RBFOX1: variants seen among roughly 807,000 people sequenced by gnomAD.
The protein encoded by RBFOX1 is RNA binding fox-1 homolog 1, also known as RNA binding protein fox-1 homolog 1.
RBFOX1 carries 8 observed loss-of-function variants against 57.7 expected under a neutral mutation model. The observed-to-expected ratio is 0.14, with a 90% CI of 0.08 to 0.25. The LOEUF is 0.25. RBFOX1 is among the 10% of genes least tolerant of loss of function. The probability of loss-of-function intolerance (pLI) is 1.00; values close to 1 mark genes in which losing one functional copy is unlikely to be tolerated. For missense variants in RBFOX1, 611 were observed against 548.5 expected, an observed-to-expected ratio of 1.11 and a Z score of -1.14; for synonymous variants, 326 against 222.4, an observed-to-expected ratio of 1.47 and a Z score of -4.15.
At chr16:7,135,556 T>C (rs1284829508) in intron 4 of RBFOX1, among the ~76,000 whole-genome samples, 2 of 152,258 alleles carry the variant, frequency 1.3e-5, no homozygotes, top group Non-Finnish European at 2.9e-5. Flanking sequence ...TAACAACTTG[T>C]GAAAAATTAA....
intron 3 of RBFOX1, among the ~76,000 whole-genome samples, chr16:5,781,455 C>A (rs1461621899): frequency 6.6e-6 from 1 of 152,124 alleles, no homozygotes; most frequent in African/African-American, 2.4e-5. Flanking sequence ...AGTAGTAGGC[C>A]CAGCTCAGTC....
intron 4 of RBFOX1, among the ~76,000 whole-genome samples, chr16:5,936,524 T>C (rs2059172049): frequency 6.6e-6 from 1 of 152,188 alleles, no homozygotes; most frequent in Non-Finnish European, 1.5e-5. Flanking sequence ...ACCAAGTTCC[T>C]CTGCCCATGT....
chr16:5,967,088 G>T (rs767040585), intron 4 of RBFOX1, among the ~76,000 whole-genome samples: 1 of 146,122 alleles, frequency 6.8e-6, no homozygotes, highest in African/African-American at 2.5e-5. Flanking sequence ...TTTATATATA[G>T]TTGACGGCTG....
chr16:6,958,929 T>C (rs1292013627), intron 3 of RBFOX1, among the ~76,000 whole-genome samples: 1 of 152,196 alleles, frequency 6.6e-6, no homozygotes, highest in East Asian at 1.9e-4. Context: ...TTCTCCATCC[T>C]GACATAGGCA....
At chr16:6,786,154 C>G (rs746179345) in intron 3 of RBFOX1, among the ~76,000 whole-genome samples, 1 of 152,054 alleles carries the variant, frequency 6.6e-6, no homozygotes, top group Non-Finnish European at 1.5e-5. Flanking sequence ...GAATGGAGTT[C>G]GGGGGCCAGG....
chr16:7,408,783 C>G (rs2098388567), intron 4 of RBFOX1, among the ~76,000 whole-genome samples: 1 of 152,174 alleles, frequency 6.6e-6, no homozygotes, highest in African/African-American at 2.4e-5. Context: ...CATCCCCTCC[C>G]TCCTTGTTGT....
intron 4 of RBFOX1, among the ~76,000 whole-genome samples, chr16:7,388,893 C>G (rs754563904): frequency 6.6e-6 from 1 of 152,048 alleles, no homozygotes; most frequent in African/African-American, 2.4e-5. Context: ...AGAATATTTT[C>G]AACTCACGAT....
At chr16:6,904,316 T>C (rs2153417614) in intron 3 of RBFOX1, among the ~76,000 whole-genome samples, 1 of 152,084 alleles carries the variant, frequency 6.6e-6, no homozygotes, top group Admixed American at 6.5e-5. Context: ...CCATCCATCT[T>C]TAGGCCAGGT....
intron 3 of RBFOX1, among the ~76,000 whole-genome samples, chr16:6,756,795 A>G (rs2075855704): frequency 6.6e-6 from 1 of 152,024 alleles, no homozygotes; most frequent in African/African-American, 2.4e-5. Context: ...AACATGGTGA[A>G]ACTCCATCTC....
chr16:7,710,018 A>T, intron 15 of RBFOX1: 1 of 1,007,890 alleles, frequency 9.9e-7, no homozygotes, highest in Non-Finnish European at 1.2e-6. Flanking sequence ...CCTTGTAGCC[A>T]TTAAAACCAT....
intron 4 of RBFOX1, among the ~76,000 whole-genome samples, chr16:6,009,228 C>G (rs1318029200): frequency 6.6e-6 from 1 of 151,988 alleles, no homozygotes; most frequent in African/African-American, 2.4e-5. Context: ...TAAAAAAGAC[C>G]TACCAAAAAG....
chr16:5,619,758 C>G (rs961459368), intron 3 of RBFOX1, among the ~76,000 whole-genome samples: 22 of 152,238 alleles, frequency 1.4e-4, no homozygotes, highest in African/African-American at 4.6e-4. Context: ...TAAGCTGCTT[C>G]CCTTCTCTGT....
intron 1 of RBFOX1, among the ~76,000 whole-genome samples, chr16:5,401,620 T>A (rs1270391936): frequency 6.6e-6 from 1 of 152,242 alleles, no homozygotes; most frequent in Non-Finnish European, 1.5e-5. Context: ...GCATAAACTA[T>A]AAGTTTACAT....
chr16:7,541,971 G>A (rs2083074720), intron 5 of RBFOX1, among the ~76,000 whole-genome samples: 1 of 152,198 alleles, frequency 6.6e-6, no homozygotes, highest in African/African-American at 2.4e-5. Flanking sequence ...GCTTCAGCTT[G>A]ACATTAGAGA....
chr16:6,926,887 T>C (rs929352658), intron 3 of RBFOX1, among the ~76,000 whole-genome samples: 2 of 152,092 alleles, frequency 1.3e-5, no homozygotes, highest in African/African-American at 2.4e-5. Context: ...AACCTGCGCA[T>C]TGTCCTAGCA....
chr16:5,932,182 C>T (rs1361221005), intron 4 of RBFOX1, among the ~76,000 whole-genome samples: 1 of 152,084 alleles, frequency 6.6e-6, no homozygotes, highest in Non-Finnish European at 1.5e-5. Context: ...CCATTAAAAG[C>T]CGAGAATTTT....
chr16:7,457,903 C>T (rs890219324), intron 4 of RBFOX1, among the ~76,000 whole-genome samples: 2 of 152,254 alleles, frequency 1.3e-5, no homozygotes, highest in Admixed American at 6.5e-5. Context: ...GTCCAGTTAA[C>T]GTATATTCTC....
At chr16:7,328,278 A>C (rs2096638508) in intron 4 of RBFOX1, among the ~76,000 whole-genome samples, 1 of 151,982 alleles carries the variant, frequency 6.6e-6, no homozygotes, top group Non-Finnish European at 1.5e-5. Flanking sequence ...TCAGGAGTTC[A>C]AGACAATCCT....
In RBFOX1 at chr16:5,676,009, T is replaced by C. The variant is rs542191523; in HGVS notation, c.318+77048T>C. Among the ~76,000 whole-genome samples the C allele has an allele frequency of 2.6e-5, 4 of 152,260 alleles. No individual in the cohort carries two copies. The South Asian group carries it at 8.3e-4, about 32-fold the overall frequency. ...TAAAAAAAGAAGGCATCGCATGTTC[T>C]CAGTCATAAGTGGAAGTTGAATAAT... On this transcript the variant is annotated intron_variant, in intron 3 of 19. Transcript: ENST00000641259.
Sources: gnomAD v4.1 joint callset for allele counts (sites outside exome capture counted in the v4.1 genomes callset) on GRCh38, gnomAD v4.1.1 for gene constraint, MANE v1.5 for transcripts, NCBI Gene and HGNC (gene_info 2026-07-23, HGNC 2026-07-21) for gene names.